Variants in SRPX observed in about 807,000 individuals in gnomAD.
SRPX encodes sushi repeat containing protein X-linked, also known as sushi repeat-containing protein SRPX.
A neutral mutation model predicts 38.1 loss-of-function variants in SRPX; 24 were observed. That is an observed-to-expected ratio of 0.63 (90% CI 0.46 to 0.89). SRPX has a LOEUF of 0.89. Among genes scored for constraint, SRPX ranks in the 40% least tolerant of loss-of-function variants. The probability of loss-of-function intolerance (pLI) is 0.00; values close to 1 mark genes in which losing one functional copy is unlikely to be tolerated. For synonymous variants in SRPX, 184 were observed against 153.8 expected (o/e 1.20, Z -1.45); for missense variants, 416 against 377.8 (o/e 1.10, Z -0.84).
At chrX:38,167,548 T>C (rs1236505378) in intron 4 of SRPX, among the ~76,000 whole-genome samples, 1 of 111,954 alleles carries the variant, frequency 8.9e-6, no homozygotes, top group South Asian at 3.7e-4. Context: ...AAAGTTACTA[T>C]AGAAACATAA....
chrX:38,167,292 G>C (rs906558654), intron 4 of SRPX, among the ~76,000 whole-genome samples: 10 of 111,579 alleles, frequency 9.0e-5, no homozygotes, highest in African/African-American at 1.3e-4. Flanking sequence ...TGCTGACCTA[G>C]TGTTTTCCGC....
chrX:38,178,891 ACTAT>A (rs999710737), intron 1 of SRPX, among the ~76,000 whole-genome samples: 1 of 111,044 alleles, frequency 9.0e-6, no homozygotes, highest in Admixed American at 9.5e-5. Context: ...GCTGAAATAG[ACTAT>A]CTGTGTGCTT....
chrX:38,211,695 G>A (rs1321973368), intron 1 of SRPX, among the ~76,000 whole-genome samples: 2 of 108,736 alleles, frequency 1.8e-5, no homozygotes, highest in African/African-American at 6.7e-5. Flanking sequence ...GCAAGACTCG[G>A]TCAAAAAAAA....
At chrX:38,185,884 T>TAA (rs1172099220) in intron 1 of SRPX, among the ~76,000 whole-genome samples, 2 of 56,375 alleles carry the variant, frequency 3.5e-5, no homozygotes, top group African/African-American at 7.5e-5. Flanking sequence ...GCTATTTTTC[T>TAA]AAAAAAAAAA....
At position 38,160,082 on chromosome X, in the gene SRPX, T is replaced by C; in HGVS notation, c.890A>G (p.Gln297Arg). ...EFSCIGGYEL[Q>R]GSPARVCQSN... Reference sequence around the variant, plus strand: ...TTGACATACTCGGGCAGGGCTACCCTGGAGCTCATAGCCGCCGATGCAGGA... The same window carrying C: ...TTGACATACTCGGGCAGGGCTACCCCGGAGCTCATAGCCGCCGATGCAGGA... The change falls in exon 7 of 10, where the codon CAG (glutamine) becomes CGG (arginine). Residue 297 changes from glutamine to arginine, a missense_variant. Coordinates refer to ENST00000378533, the MANE Select transcript of SRPX (RefSeq NM_006307.5). 8.3e-7 allele frequency: 1 copy of C among 1,211,639 alleles called. No individual in the cohort carries two copies. The highest frequency in any genetic ancestry group is 2.3e-4 in the Middle Eastern group (1 of 4,353).
At chrX:38,161,421 G>A (rs771908075) in intron 5 of SRPX, among the ~76,000 whole-genome samples, 10 of 105,989 alleles carry the variant, frequency 9.4e-5, no homozygotes, top group South Asian at 4.5e-4. Context: ...TTGGGAAGAC[G>A]AGGGAATTTT....
At chrX:38,206,935 C>A (rs1939221950) in intron 1 of SRPX, among the ~76,000 whole-genome samples, 1 of 111,952 alleles carries the variant, frequency 8.9e-6, no homozygotes, top group South Asian at 3.8e-4. Flanking sequence ...ATGATCCCTG[C>A]CAGACATGAG....
intron 1 of SRPX, among the ~76,000 whole-genome samples, chrX:38,185,255 T>C (rs1320417330): frequency 8.9e-6 from 1 of 112,317 alleles, no homozygotes; most frequent in African/African-American, 3.2e-5. Flanking sequence ...TTTTGGATGG[T>C]TTTATTCTAA....
chrX:38,168,449 C>T (rs902475442), intron 4 of SRPX, among the ~76,000 whole-genome samples: 2 of 112,116 alleles, frequency 1.8e-5, no homozygotes, highest in Non-Finnish European at 3.8e-5. Flanking sequence ...CACTTGGTCA[C>T]CTCAACCATT....
At chrX:38,212,093 A>C (rs1939336187) in intron 1 of SRPX, among the ~76,000 whole-genome samples, 1 of 112,085 alleles carries the variant, frequency 8.9e-6, no homozygotes, top group Admixed American at 9.4e-5. Context: ...GTTATTCATC[A>C]GGTATTAATA....
At chrX:38,213,155 A>G (rs946032257) in intron 1 of SRPX, among the ~76,000 whole-genome samples, 57 of 112,183 alleles carry the variant, frequency 5.1e-4, no homozygotes, top group African/African-American at 1.7e-3. Context: ...ATGGAAGGTC[A>G]ATTGTAGGCA....
intron 1 of SRPX, among the ~76,000 whole-genome samples, chrX:38,209,411 C>A (rs992100586): frequency 9.0e-6 from 1 of 111,639 alleles, no homozygotes; most frequent in African/African-American, 3.3e-5. Context: ...AGAGTAAACA[C>A]TAAAAAGTGT....
rs530383543 is a variant in SRPX, at chrX:38,182,073, T to C, written c.98-3729A>G. Reference sequence around the variant, plus strand: ...ACACACTAAGTGCCTATGATATGTGTACTATGCTAGGCAATTTCTATGCAC... The same window carrying C: ...ACACACTAAGTGCCTATGATATGTGCACTATGCTAGGCAATTTCTATGCAC... On this transcript the variant is annotated intron_variant, in intron 1 of 9. Coordinates refer to ENST00000378533, the MANE Select transcript of SRPX (RefSeq NM_006307.5). Among the ~76,000 whole-genome samples, 12 of 112,604 alleles carry C rather than the reference T, an allele frequency of 1.1e-4. No homozygotes were observed. In the South Asian group the frequency reaches 4.1e-3, roughly 38 times the overall value.
chrX:38,157,700 T>A (rs2060799867), intron 7 of SRPX, among the ~76,000 whole-genome samples: 1 of 112,221 alleles, frequency 8.9e-6, no homozygotes, highest in African/African-American at 3.2e-5. Flanking sequence ...ACATCTTTGG[T>A]GGACCATTAT....
intron 4 of SRPX, among the ~76,000 whole-genome samples, chrX:38,168,436 C>T (rs762968885): frequency 7.1e-5 from 8 of 112,051 alleles, no homozygotes; most frequent in African/African-American, 2.6e-4. Flanking sequence ...AATCCTCCAG[C>T]TCCACTTGGT....
chrX:38,182,263 C>A (rs1938687064), intron 1 of SRPX, among the ~76,000 whole-genome samples: 2 of 112,173 alleles, frequency 1.8e-5, no homozygotes, highest in Admixed American at 1.9e-4. Flanking sequence ...ATCTATCATT[C>A]TTTTTTCACT....
At chrX:38,170,215 T>G (rs189099028) in intron 4 of SRPX, among the ~76,000 whole-genome samples, 86 of 111,522 alleles carry the variant, frequency 7.7e-4, no homozygotes, top group African/African-American at 2.4e-3. Context: ...CTGGGACAAC[T>G]TTCTCACCAC....
At chrX:38,151,719 C>T (rs1282775997) in intron 9 of SRPX, among the ~76,000 whole-genome samples, 3 of 111,382 alleles carry the variant, frequency 2.7e-5, no homozygotes, top group South Asian at 3.8e-4. Context: ...TGATCAAACA[C>T]CACACAAAAT....
At chrX:38,178,387 T>C (rs761156235) in intron 1 of SRPX, 43 bp from the exon 2 acceptor site, 4 of 1,083,841 alleles carry the variant, frequency 3.7e-6, no homozygotes, top group Non-Finnish European at 5.1e-6. Context: ...AAAAGCCACA[T>C]AGTATGGACG....
Sources: gnomAD v4.1 joint callset for allele counts (sites outside exome capture counted in the v4.1 genomes callset) on GRCh38, gnomAD v4.1.1 for gene constraint, MANE v1.5 for transcripts, NCBI Gene and HGNC (gene_info 2026-07-23, HGNC 2026-07-21) for gene names.